SIPA1L3: variants seen among roughly 807,000 people sequenced by gnomAD.
SIPA1L3 encodes the protein signal-induced proliferation-associated 1-like protein 3.
SIPA1L3 carries 59 observed loss-of-function variants against 150.1 expected under a neutral mutation model. The observed-to-expected ratio is 0.39, with a 90% CI of 0.32 to 0.49. The LOEUF (loss-of-function observed/expected upper bound fraction) is 0.49, where lower values mean the gene tolerates loss of function less well. Ranked by LOEUF, SIPA1L3 falls within the 20% of genes least tolerant of loss-of-function variation. The probability of loss-of-function intolerance (pLI) is 0.86; values close to 1 mark genes in which losing one functional copy is unlikely to be tolerated. For synonymous variants in SIPA1L3, 1,070 were observed against 1,077.6 expected (o/e 0.99, Z 0.14); for missense variants, 2,211 against 2,489.5 (o/e 0.89, Z 2.38).
chr19:37,972,294 G>T (rs989377563), intron 1 of SIPA1L3, among the ~76,000 whole-genome samples: 1 of 151,918 alleles, frequency 6.6e-6, no homozygotes, highest in Non-Finnish European at 1.5e-5. Flanking sequence ...GTCTTAAAAT[G>T]TAGTTTTTGA....
At chr19:38,001,752 TTATGATAAAA>T (rs1169970637) in intron 1 of SIPA1L3, among the ~76,000 whole-genome samples, 1 of 152,218 alleles carries the variant, frequency 6.6e-6, no homozygotes, top group Admixed American at 6.5e-5. Context: ...TACTTTTTTA[TTATGATAAAA>T]TATGATAAAA....
At chr19:37,914,804 C>A (rs1353418676) in intron 1 of SIPA1L3, among the ~76,000 whole-genome samples, 1 of 152,280 alleles carries the variant, frequency 6.6e-6, no homozygotes, top group Admixed American at 6.5e-5. Context: ...CATACCTGGC[C>A]TACTTTTTTA....
chr19:38,082,111 G>A lies in SIPA1L3; in HGVS notation c.546G>A (p.Glu182=), dbSNP rs1318501073. 1 of 1,607,830 alleles carries A rather than the reference G, an allele frequency of 6.2e-7. No individual in the cohort carries two copies. The highest frequency in any genetic ancestry group is 1.7e-5 in the Admixed American group (1 of 59,910). The change falls in exon 3 of 22, where the codon GAG becomes GAA. Residue 182 remains glutamate, a synonymous_variant. Coordinates refer to ENST00000222345, the MANE Select transcript of SIPA1L3 (RefSeq NM_015073.3). ...SEITLSECDA[E]DAGEPRGARH... ...TCACCCTCAGCGAGTGTGACGCGGA[G>A]GACGCGGGGGAGCCGCGGGGGGCCC...
Position 38,079,804 on chromosome 19 carries a change from C to T in SIPA1L3, c.-310-1452C>T, listed in dbSNP as rs903652561. On this transcript the variant is annotated intron_variant, in intron 2 of 21. Coordinates refer to ENST00000222345, the MANE Select transcript of SIPA1L3 (RefSeq NM_015073.3). ...CTGCTGGGCTCAAGTGATCCACCCGCCTTGGCCTCCCAAAGTGCTGGGACT... is the reference window on the plus strand; with the variant it reads ...CTGCTGGGCTCAAGTGATCCACCCGTCTTGGCCTCCCAAAGTGCTGGGACT... Among the ~76,000 whole-genome samples, 120 of 152,290 alleles carry T rather than the reference C, an allele frequency of 7.9e-4. 3 individuals are homozygous for T. The highest frequency in any genetic ancestry group is 2.4e-3 in the African/African-American group (98 of 41,568).
chr19:37,928,253 C>T (rs1489721729), intron 1 of SIPA1L3, among the ~76,000 whole-genome samples: 1 of 152,074 alleles, frequency 6.6e-6, no homozygotes, highest in East Asian at 1.9e-4. Flanking sequence ...CTCTAAAGCT[C>T]TGTGTGCTAC....
chr19:37,995,190 C>G (rs926833357), intron 1 of SIPA1L3, among the ~76,000 whole-genome samples: 1 of 152,170 alleles, frequency 6.6e-6, no homozygotes, highest in Non-Finnish European at 1.5e-5. Context: ...AGCCAGGGGC[C>G]GGCCCTAGCT....
chr19:38,116,280 C>T (rs963687343), intron 8 of SIPA1L3, among the ~76,000 whole-genome samples: 2 of 151,864 alleles, frequency 1.3e-5, no homozygotes, highest in South Asian at 2.1e-4. Flanking sequence ...AAGTCCGAGG[C>T]GGGCGGATCA....
intron 15 of SIPA1L3, among the ~76,000 whole-genome samples, chr19:38,180,326 G>GT (rs201858401): frequency 8.1e-4 from 121 of 150,296 alleles, no homozygotes; most frequent in Non-Finnish European, 1.3e-3. Flanking sequence ...AATTAATTGT[G>GT]TTTTTTTTTC....
At chr19:38,108,629 G>A (rs540081303) in intron 7 of SIPA1L3, 3 of 152,354 alleles carry the variant, frequency 2.0e-5, no homozygotes, top group South Asian at 2.1e-4. Context: ...TGGGACTCCC[G>A]TCCATGGATC....
intron 2 of SIPA1L3, among the ~76,000 whole-genome samples, chr19:38,075,967 G>A (rs1439400131): frequency 2.6e-5 from 4 of 151,836 alleles, no homozygotes; most frequent in South Asian, 4.2e-4. Flanking sequence ...GTGAAACCCC[G>A]TCTCTACTGA....
chr19:37,960,393 C>A (rs185531532), intron 1 of SIPA1L3, among the ~76,000 whole-genome samples: 267 of 151,694 alleles, frequency 1.8e-3, no homozygotes, highest in Non-Finnish European at 3.0e-3. Context: ...CGCGCCACCA[C>A]ACTCAGCTAA....
At chr19:38,025,703 C>T (rs1968494039) in intron 1 of SIPA1L3, among the ~76,000 whole-genome samples, 2 of 151,956 alleles carry the variant, frequency 1.3e-5, no homozygotes, top group African/African-American at 4.8e-5. Flanking sequence ...TTTATAAGAG[C>T]TTTATTGCAG....
intron 13 of SIPA1L3, among the ~76,000 whole-genome samples, chr19:38,161,644 T>G (rs1972091045): frequency 6.6e-6 from 1 of 152,020 alleles, no homozygotes; most frequent in African/African-American, 2.4e-5. Context: ...GAGAATCACT[T>G]GAACCCTGGG....
chr19:38,159,809 A>T (rs1249793917), intron 13 of SIPA1L3, among the ~76,000 whole-genome samples: 1 of 152,182 alleles, frequency 6.6e-6, no homozygotes, highest in Non-Finnish European at 1.5e-5. Context: ...AGTGCTTACC[A>T]TAGCGCCTGA....
intron 1 of SIPA1L3, among the ~76,000 whole-genome samples, chr19:37,991,909 GC>G: frequency 6.6e-6 from 1 of 152,340 alleles, no homozygotes; most frequent in South Asian, 2.1e-4. Flanking sequence ...CCCTGCACTA[GC>G]TGCATGACCT....
intron 2 of SIPA1L3, among the ~76,000 whole-genome samples, chr19:38,080,198 G>T (rs1322006072): frequency 1.3e-5 from 2 of 152,308 alleles, no homozygotes; most frequent in South Asian, 2.1e-4. Context: ...AACTCCACTG[G>T]TGCTCATGTT....
intron 3 of SIPA1L3, among the ~76,000 whole-genome samples, chr19:38,083,442 A>C (rs1218330868): frequency 6.6e-6 from 1 of 152,210 alleles, no homozygotes; most frequent in African/African-American, 2.4e-5. Flanking sequence ...TCTTCCTAGT[A>C]CTTATAATGT....
At chr19:37,916,550 A>G (rs1283739057) in intron 1 of SIPA1L3, among the ~76,000 whole-genome samples, 1 of 151,494 alleles carries the variant, frequency 6.6e-6, no homozygotes, top group Non-Finnish European at 1.5e-5. Flanking sequence ...TCATCTGTCC[A>G]TCTGTGAAAC....
chr19:38,198,160 C>T (rs1973006113), intron 18 of SIPA1L3, among the ~76,000 whole-genome samples: 1 of 152,340 alleles, frequency 6.6e-6, no homozygotes, highest in African/African-American at 2.4e-5. Flanking sequence ...GCCTGGTGCA[C>T]TCCCTCCTCC....
Sources: gnomAD v4.1 joint callset for allele counts (sites outside exome capture counted in the v4.1 genomes callset) on GRCh38, gnomAD v4.1.1 for gene constraint, MANE v1.5 for transcripts, NCBI Gene and HGNC (gene_info 2026-07-23, HGNC 2026-07-21) for gene names.